Variants in FMN1 observed in about 807,000 individuals in gnomAD.
The protein encoded by FMN1 is formin-1.
A neutral mutation model predicts 132.4 loss-of-function variants in FMN1; 110 were observed. The observed-to-expected ratio is 0.83, with a 90% confidence interval of 0.71 to 0.97. The LOEUF (loss-of-function observed/expected upper bound fraction) is 0.97, where lower values mean the gene tolerates loss of function less well. Among genes scored for constraint, FMN1 ranks in the 50% least tolerant of loss-of-function variants. The probability of loss-of-function intolerance (pLI) is 0.00; values close to 1 mark genes in which losing one functional copy is unlikely to be tolerated. For synonymous variants in FMN1, 722 were observed against 651.7 expected (o/e 1.11, Z -1.64); for missense variants, 1,792 against 1,705.3 (o/e 1.05, Z -0.90).
intron 4 of FMN1, among the ~76,000 whole-genome samples, chr15:33,105,318 G>A (rs1260347354): frequency 2.6e-5 from 4 of 151,892 alleles, no homozygotes; most frequent in Non-Finnish European, 2.9e-5. Flanking sequence ...AAAATAAAAC[G>A]GACAATAAAA....
At chr15:33,082,092 AATGTGTGTGTGT>A (rs1269017977) in intron 5 of FMN1, among the ~76,000 whole-genome samples, 58 of 87,984 alleles carry the variant, frequency 6.6e-4, no homozygotes, top group African/African-American at 2.0e-3. Context: ...GCTGGAAAAC[AATGTGTGTGTGT>A]GTGTGTGTGT....
chr15:32,970,353 G>A (rs959162731), intron 7 of FMN1, among the ~76,000 whole-genome samples: 1 of 152,162 alleles, frequency 6.6e-6, no homozygotes, highest in Non-Finnish European at 1.5e-5. Flanking sequence ...CAGTTTAACA[G>A]TAATTAAATA....
At chr15:32,890,283 T>TA (rs1272721720) in intron 15 of FMN1, among the ~76,000 whole-genome samples, 1 of 152,234 alleles carries the variant, frequency 6.6e-6, no homozygotes, top group Non-Finnish European at 1.5e-5. Flanking sequence ...TCTGGATAGA[T>TA]ACCCAGTAGT....
intron 4 of FMN1, among the ~76,000 whole-genome samples, chr15:33,145,621 G>A (rs1037248257): frequency 6.6e-6 from 1 of 151,196 alleles, no homozygotes; most frequent in African/African-American, 2.4e-5. Context: ...CGCTACCCTC[G>A]GATGTGGCTC....
chr15:32,905,016 T>C (rs1189134548), intron 12 of FMN1, among the ~76,000 whole-genome samples: 1 of 152,204 alleles, frequency 6.6e-6, no homozygotes, highest in African/African-American at 2.4e-5. Flanking sequence ...AGTCTAACTT[T>C]ACATTCTAGG....
At chr15:32,993,050 T>C (rs529650592) in intron 7 of FMN1, among the ~76,000 whole-genome samples, 31 of 152,204 alleles carry the variant, frequency 2.0e-4, no homozygotes, top group Non-Finnish European at 3.4e-4. Flanking sequence ...AGAGTCACCA[T>C]GTAAGGGATG....
chr15:32,981,998 T>C (rs1465910260), intron 7 of FMN1, among the ~76,000 whole-genome samples: 6 of 152,094 alleles, frequency 3.9e-5, no homozygotes, highest in Non-Finnish European at 7.4e-5. Context: ...ACAGGACTTG[T>C]TTCCAGAGCA....
chr15:32,998,166 A>G (rs2033888689), intron 7 of FMN1, among the ~76,000 whole-genome samples: 1 of 152,232 alleles, frequency 6.6e-6, no homozygotes, highest in Admixed American at 6.5e-5. Context: ...CTCAATGAAT[A>G]AACGTCTCTG....
intron 9 of FMN1, among the ~76,000 whole-genome samples, chr15:32,950,684 A>G (rs574242211): frequency 2.0e-4 from 31 of 152,212 alleles, no homozygotes; most frequent in African/African-American, 7.0e-4. Context: ...ACTGGGGCCT[A>G]TTAGAAGGTG....
intron 19 of FMN1, among the ~76,000 whole-genome samples, chr15:32,781,928 T>A (rs2056678293): frequency 6.6e-6 from 1 of 152,238 alleles, no homozygotes; most frequent in African/African-American, 2.4e-5. Context: ...TCTTTGTACA[T>A]GGCTTTTTCT....
chr15:32,941,645 C>T (rs965132752), intron 9 of FMN1, among the ~76,000 whole-genome samples: 1 of 152,094 alleles, frequency 6.6e-6, no homozygotes, highest in Non-Finnish European at 1.5e-5. Context: ...TGTAATAATC[C>T]TCCAAGTCAT....
chr15:32,981,937 G>C (rs543449636), intron 7 of FMN1, among the ~76,000 whole-genome samples: 66 of 152,156 alleles, frequency 4.3e-4, no homozygotes, highest in African/African-American at 1.6e-3. Flanking sequence ...TCTGTTTGTT[G>C]CAAGTCTCTA....
chr15:33,011,460 TATA>T (rs1395513076), intron 6 of FMN1, among the ~76,000 whole-genome samples: 8 of 152,040 alleles, frequency 5.3e-5, no homozygotes, highest in African/African-American at 1.9e-4. Context: ...GTAAATATTT[TATA>T]ATAATTATCT....
At chr15:32,905,530 A>G (rs950247809) in intron 12 of FMN1, among the ~76,000 whole-genome samples, 1 of 152,160 alleles carries the variant, frequency 6.6e-6, no homozygotes, top group African/African-American at 2.4e-5. Flanking sequence ...GCAGCATAAG[A>G]GTCAACGGCC....
At chr15:32,862,185 G>T (rs1198258898) in intron 16 of FMN1, among the ~76,000 whole-genome samples, 2 of 152,044 alleles carry the variant, frequency 1.3e-5, no homozygotes, top group Non-Finnish European at 2.9e-5. Flanking sequence ...GTGCATAAAG[G>T]AGAGAGGTCA....
intron 7 of FMN1, among the ~76,000 whole-genome samples, chr15:32,976,946 C>A (rs891454490): frequency 6.6e-6 from 1 of 152,312 alleles, no homozygotes; most frequent in Admixed American, 6.5e-5. Context: ...GGCAGACATT[C>A]TGGGGGACGT....
rs563031869 is a variant in FMN1 at position 33,047,746 on chromosome 15, T to C, written c.2161+17211A>G. Among the ~76,000 whole-genome samples, 3 of 152,324 alleles carry C rather than the reference T, an allele frequency of 2.0e-5. No individual in the cohort carries two copies. In the South Asian group the frequency reaches 6.2e-4, roughly 32 times the overall value. ...TGAAATGCAGGTTCTGGTATAAAGA[T>C]GGGACCCTTAATTTCTGAAGATCTG... On this transcript the variant is annotated intron_variant, in intron 6 of 20. Coordinates refer to ENST00000616417, the MANE Select transcript of FMN1 (RefSeq NM_001277313.2).
At chr15:33,014,444 G>C (rs2034920600) in intron 6 of FMN1, among the ~76,000 whole-genome samples, 1 of 152,134 alleles carries the variant, frequency 6.6e-6, no homozygotes, top group African/African-American at 2.4e-5. Context: ...AGGAGGAACA[G>C]GAATTCTACA....
chr15:33,029,004 G>A (rs185513582), intron 6 of FMN1, among the ~76,000 whole-genome samples: 1 of 152,274 alleles, frequency 6.6e-6, no homozygotes, highest in African/African-American at 2.4e-5. Flanking sequence ...AAGTAAGAAT[G>A]TTTCACCTAA....
Sources: allele counts gnomAD v4.1 joint callset (sites outside exome capture counted in the v4.1 genomes callset), GRCh38; gene constraint gnomAD v4.1.1; transcripts MANE v1.5; gene names NCBI Gene and HGNC (gene_info 2026-07-23, HGNC 2026-07-21).